RRM2: variants seen among roughly 807,000 people sequenced by gnomAD.
RRM2 encodes the protein ribonucleotide reductase regulatory subunit M2.
A neutral mutation model predicts 45.9 loss-of-function variants in RRM2; 6 were observed. The ratio of observed to expected loss-of-function variants is 0.13; its 90% CI spans 0.07 to 0.26. The LOEUF is 0.26. Ranked by LOEUF, RRM2 falls within the 10% of genes least tolerant of loss-of-function variation. The pLI, the probability that RRM2 is intolerant of heterozygous loss-of-function variation, is 1.00. For missense variants in RRM2, 343 were observed against 489.5 expected (o/e 0.70, Z 2.82); for synonymous variants, 177 against 173.0 (o/e 1.02, Z -0.18).
chr2:10,190,771 T>C (rs1268462460), intron 3 of RRM2, among the ~76,000 whole-genome samples: 1 of 149,188 alleles, frequency 6.7e-6, no homozygotes, highest in Admixed American at 6.7e-5. Context: ...GTGGTAATGA[T>C]GGTGGCAATG....
chr2:10,131,189 A>T lies in RRM2; in HGVS notation c.*1803A>T, dbSNP rs1403754242. Reference sequence around the variant, plus strand: ...TTAATCCAGATTATATGGTCCTTATATGTGTACAACATTAAAATGAAAGGC... The same window carrying T: ...TTAATCCAGATTATATGGTCCTTATTTGTGTACAACATTAAAATGAAAGGC... On this transcript the variant is annotated 3_prime_UTR_variant, in exon 10 of 10. Transcript: ENST00000304567. 6.6e-6 allele frequency: 1 copy of T among 152,158 alleles called. No individual in the cohort carries two copies. The highest frequency in any genetic ancestry group is 6.6e-5 in the Admixed American group (1 of 15,258). The allele number at this position is 152,158 out of a possible 1,614,324, so 9.4% of individuals were successfully genotyped here.
intron 3 of RRM2, among the ~76,000 whole-genome samples, chr2:10,170,524 G>T (rs1466839391): frequency 6.6e-6 from 1 of 152,174 alleles, no homozygotes; most frequent in Non-Finnish European, 1.5e-5. Context: ...GAGAGAGAGA[G>T]AGAGGAGGGG....
exon 4 of RRM2, chr2:10,210,576 C>T (rs371577424): frequency 2.9e-5 from 40 of 1,365,986 alleles, no homozygotes; most frequent in Middle Eastern, 4.6e-4. Context: ...CCACCATTCT[C>T]AGACCCCCCA....
At chr2:10,210,543 A>G (rs1443707993) in exon 4 of RRM2, 2 of 1,366,934 alleles carry the variant, frequency 1.5e-6, no homozygotes, top group Non-Finnish European at 2.0e-6. Context: ...TGGACTCCAC[A>G]CAGGCCTGCG....
intron 3 of RRM2, among the ~76,000 whole-genome samples, chr2:10,159,680 C>T (rs1336260932): frequency 8.5e-5 from 13 of 152,242 alleles, no homozygotes; most frequent in Admixed American, 7.8e-4. Context: ...CAGGGCTGCT[C>T]AGAGCCTTTA....
chr2:10,180,977 G>A (rs144556883), intron 3 of RRM2, among the ~76,000 whole-genome samples: 6,046 of 152,138 alleles, frequency 0.04, 398 homozygotes, highest in African/African-American at 0.14. Context: ...ATGTTGGCCA[G>A]GCTGGTCTTG....
chr2:10,206,983 A>G (rs529367278), intron 3 of RRM2, among the ~76,000 whole-genome samples: 1 of 152,322 alleles, frequency 6.6e-6, no homozygotes, highest in East Asian at 1.9e-4. Flanking sequence ...GGGCCTCCAC[A>G]CCAATGCACT....
downstream of RRM2, chr2:10,131,470 CA>C (rs1662899227): frequency 6.6e-6 from 1 of 151,922 alleles, no homozygotes; most frequent in Non-Finnish European, 1.5e-5. Context: ...ATTTTTTGGC[CA>C]GGCATGGCTG....
chr2:10,177,554 G>A (rs796502644), intron 3 of RRM2, among the ~76,000 whole-genome samples: 41 of 151,892 alleles, frequency 2.7e-4, no homozygotes, highest in African/African-American at 9.4e-4. Flanking sequence ...GCATCCATTC[G>A]TGTGTGTGTG....
chr2:10,146,731 A>G (rs1407211900), intron 3 of RRM2, among the ~76,000 whole-genome samples: 1 of 152,128 alleles, frequency 6.6e-6, no homozygotes. Context: ...AAGGGTAGGG[A>G]GGAGGAGGAG....
At chr2:10,198,984 C>CA (rs1373958219) in intron 3 of RRM2, 1 of 152,102 alleles carries the variant, frequency 6.6e-6, no homozygotes, top group Non-Finnish European at 1.5e-5. Context: ...GGTTTTTAAT[C>CA]AAGGGGAACT....
At chr2:10,159,286 C>T (rs2125318032) in intron 3 of RRM2, among the ~76,000 whole-genome samples, 1 of 152,296 alleles carries the variant, frequency 6.6e-6, no homozygotes, top group South Asian at 2.1e-4. Context: ...AGCAAAGCCC[C>T]AGAGGGATCC....
At chr2:10,178,793 T>C (rs1388467841) in intron 3 of RRM2, among the ~76,000 whole-genome samples, 1 of 152,182 alleles carries the variant, frequency 6.6e-6, no homozygotes, top group Non-Finnish European at 1.5e-5. Flanking sequence ...AGGTGGGACC[T>C]TTGGGAAGTG....
chr2:10,135,971 T>A (rs1662983613), downstream of RRM2, among the ~76,000 whole-genome samples: 1 of 152,110 alleles, frequency 6.6e-6, no homozygotes, highest in South Asian at 2.1e-4. Flanking sequence ...GTTTTTTTTT[T>A]ATTCATTGTC....
At chr2:10,208,973 T>C (rs547861755) in intron 3 of RRM2, among the ~76,000 whole-genome samples, 1 of 151,820 alleles carries the variant, frequency 6.6e-6, no homozygotes, top group East Asian at 1.9e-4. Flanking sequence ...TTCAGACCTG[T>C]CCTGTCTCCT....
intron 3 of RRM2, among the ~76,000 whole-genome samples, chr2:10,191,060 G>A (rs529069912): frequency 6.6e-6 from 1 of 152,300 alleles, no homozygotes; most frequent in South Asian, 2.1e-4. Context: ...GAGCACAAAG[G>A]CATGGCGAGA....
At chr2:10,147,423 C>A (rs1297264612) in intron 3 of RRM2, among the ~76,000 whole-genome samples, 1 of 152,150 alleles carries the variant, frequency 6.6e-6, no homozygotes, top group Non-Finnish European at 1.5e-5. Context: ...GGACTACAGG[C>A]ATGCACTACC....
chr2:10,162,755 C>T (rs1028584270), intron 3 of RRM2, among the ~76,000 whole-genome samples: 3 of 146,474 alleles, frequency 2.0e-5, no homozygotes, highest in Admixed American at 7.0e-5. Context: ...TCGGGCAGGG[C>T]GTTTGCCCTC....
chr2:10,208,217 G>A (rs1664697801), intron 3 of RRM2, among the ~76,000 whole-genome samples: 1 of 152,174 alleles, frequency 6.6e-6, no homozygotes, highest in African/African-American at 2.4e-5. Context: ...TGGGTAGATG[G>A]CAGGTGACTG....
Sources: gnomAD v4.1 joint callset for allele counts (sites outside exome capture counted in the v4.1 genomes callset) on GRCh38, gnomAD v4.1.1 for gene constraint, MANE v1.5 for transcripts, NCBI Gene and HGNC (gene_info 2026-07-23, HGNC 2026-07-21) for gene names.